ZCWPW2: variants seen among roughly 807,000 people sequenced by gnomAD.
The protein encoded by ZCWPW2 is zinc finger CW-type PWWP domain protein 2.
Under a neutral mutation model 46.6 loss-of-function variants are expected in ZCWPW2, and 45 were observed. The observed-to-expected ratio is 0.96, with a 90% confidence interval of 0.76 to 1.24. The LOEUF is 1.24. Ranked by LOEUF, ZCWPW2 falls within the 50% of genes most tolerant of loss-of-function variation. ZCWPW2 has a pLI of 0.00. For synonymous variants in ZCWPW2, 152 were observed against 137.1 expected (o/e 1.11, Z -0.76); for missense variants, 429 against 403.9 (o/e 1.06, Z -0.53).
rs548108267 is a variant in ZCWPW2, at chr3:28,381,123, C to A, written c.-133-9375C>A. On this transcript the variant is annotated intron_variant, in intron 1 of 9. Coordinates refer to ENST00000383768, the MANE Select transcript of ZCWPW2 (RefSeq NM_001040432.4). ...TATTAATTTAAGTCTTTACTGAATT[C>A]TCTTGAAAGGATGGCAGATGGGGAA... 5.1e-4 allele frequency among the ~76,000 whole-genome samples: 70 copies of A among 138,466 alleles called. No individual in the cohort carries two copies. The East Asian group carries it at 5.7e-3, about 11-fold the overall frequency. 90.8% of individuals were successfully genotyped at this position (138,466 alleles called of 152,430 possible). A position where few individuals can be genotyped will look rare whatever the true frequency, so the allele number is the denominator to read the frequency against.
chr3:28,510,122 TGA>T (rs1328895222), intron 6 of ZCWPW2, among the ~76,000 whole-genome samples: 1 of 152,194 alleles, frequency 6.6e-6, no homozygotes, highest in East Asian at 1.9e-4. Context: ...ACCATATACA[TGA>T]GAGTTTTTTT....
chr3:28,364,539 C>T (rs1247950875), intron 1 of ZCWPW2, among the ~76,000 whole-genome samples: 2 of 152,086 alleles, frequency 1.3e-5, no homozygotes, highest in Non-Finnish European at 2.9e-5. Flanking sequence ...TACTGTTTTT[C>T]ATACTGATTG....
At chr3:28,405,841 C>G (rs569222194) in intron 2 of ZCWPW2, among the ~76,000 whole-genome samples, 1 of 152,222 alleles carries the variant, frequency 6.6e-6, no homozygotes, top group South Asian at 2.1e-4. Flanking sequence ...GAGAATGTCT[C>G]AATCTTCTTA....
intron 2 of ZCWPW2, among the ~76,000 whole-genome samples, chr3:28,401,348 C>T (rs1342818194): frequency 6.6e-6 from 1 of 152,166 alleles, no homozygotes; most frequent in Non-Finnish European, 1.5e-5. Context: ...TAAGAATTCA[C>T]CAGCCAACTA....
rs760348222 is a variant in ZCWPW2, at chr3:28,521,096, G to T, written c.889G>T (p.Glu297Ter). Residue 297 changes from glutamate (E) to a stop codon, truncating the protein, a stop_gained, in exon 9 of 10, where the codon GAA (glutamate) becomes TAA (stop). Transcript: ENST00000383768. LOFTEE classifies it high-confidence loss of function. The part of the protein sequence containing the change: ...PDESEEGHGE[E>*]INMGEKLSKC... Reference sequence around the variant, plus strand: ...TGAATCAGAAGAAGGACATGGAGAGGAAATAAATATGGGAGAAAAGGTAAT... The same window carrying T: ...TGAATCAGAAGAAGGACATGGAGAGTAAATAAATATGGGAGAAAAGGTAAT... 2 of 1,603,492 alleles carry T rather than the reference G, an allele frequency of 1.2e-6. No homozygotes were observed. Among genetic ancestry groups the T allele is most frequent in the Non-Finnish European group, 8.5e-7 (1 of 1,177,168 alleles).
chr3:28,493,612 G>A (rs1374961059), intron 6 of ZCWPW2, among the ~76,000 whole-genome samples: 1 of 94,132 alleles, frequency 1.1e-5, no homozygotes, highest in Admixed American at 1.3e-4. Context: ...ATAAACATAC[G>A]TGTGCATGTG....
intron 6 of ZCWPW2, among the ~76,000 whole-genome samples, chr3:28,507,344 TTTAATC>T (rs374929074): frequency 3.3e-5 from 5 of 152,200 alleles, no homozygotes; most frequent in African/African-American, 9.6e-5. Context: ...GTTGTTATCT[TTTAATC>T]TTATTTCCTC....
chr3:28,398,735 T>C (rs1364189270), intron 2 of ZCWPW2, among the ~76,000 whole-genome samples: 4 of 152,126 alleles, frequency 2.6e-5, no homozygotes, highest in Non-Finnish European at 5.9e-5. Context: ...TGAGTCCATT[T>C]ATAGAGCCGA....
chr3:28,410,569 C>A (rs1276258930), intron 2 of ZCWPW2, among the ~76,000 whole-genome samples: 1 of 150,998 alleles, frequency 6.6e-6, no homozygotes, highest in African/African-American at 2.4e-5. Context: ...CTCTTAAATA[C>A]CCCTACCTTC....
At position 28,408,193 on chromosome 3, in the gene ZCWPW2, C is replaced by A. The variant is rs778767679; in HGVS notation, c.-13-4863C>A. ...CGTTATCCACTATGAGACCCAACAT[C>A]CTAAGAAAATTTGAAAACCTTATCT... On this transcript the variant is annotated intron_variant, in intron 2 of 9. Transcript: ENST00000383768. 2.6e-5 allele frequency among the ~76,000 whole-genome samples: 4 copies of A among 152,254 alleles called. No individual in the cohort carries two copies. The East Asian group carries it at 7.7e-4, about 29-fold the overall frequency.
chr3:28,420,972 A>T (rs1211163762), intron 3 of ZCWPW2, among the ~76,000 whole-genome samples: 1 of 152,124 alleles, frequency 6.6e-6, no homozygotes, highest in Non-Finnish European at 1.5e-5. Flanking sequence ...TCAGTTCTGA[A>T]ATGTTCATTT....
chr3:28,429,877 G>T (rs907362942), intron 3 of ZCWPW2, among the ~76,000 whole-genome samples: 4 of 152,168 alleles, frequency 2.6e-5, no homozygotes, highest in African/African-American at 9.7e-5. Context: ...TAGAAATAAA[G>T]AATTGAAGTT....
Position 28,474,523 on chromosome 3 carries a change from T to C in ZCWPW2, c.493-4291T>C, listed in dbSNP as rs959636281. On this transcript the variant is annotated intron_variant, in intron 4 of 9. Coordinates refer to ENST00000383768, the MANE Select transcript of ZCWPW2 (RefSeq NM_001040432.4). ...TACATATATGCCACATATGTGGATATACATACATCTGTTTTCTCATTCTTT... is the reference window on the plus strand; with the variant it reads ...TACATATATGCCACATATGTGGATACACATACATCTGTTTTCTCATTCTTT... Among the ~76,000 whole-genome samples the C allele has an allele frequency of 8.5e-5, 13 of 152,156 alleles. No individual in the cohort carries two copies. In the Middle Eastern group the frequency reaches 0.01, roughly 119 times the overall value.
chr3:28,378,643 A>G (rs936775043), intron 1 of ZCWPW2, among the ~76,000 whole-genome samples: 1 of 152,134 alleles, frequency 6.6e-6, no homozygotes, highest in African/African-American at 2.4e-5. Flanking sequence ...CCTAGGGATG[A>G]TGTTCAACTG....
chr3:28,479,672 T>C (rs775153902), intron 5 of ZCWPW2, among the ~76,000 whole-genome samples: 6 of 152,166 alleles, frequency 3.9e-5, no homozygotes, highest in Admixed American at 6.6e-5. Flanking sequence ...CTTTTCCTCC[T>C]CCCACCTTCC....
intron 5 of ZCWPW2, among the ~76,000 whole-genome samples, chr3:28,491,715 A>T (rs1003804627): frequency 6.6e-6 from 1 of 152,120 alleles, no homozygotes; most frequent in African/African-American, 2.4e-5. Context: ...GAATTAAATA[A>T]GATATCTATA....
intron 1 of ZCWPW2, among the ~76,000 whole-genome samples, chr3:28,354,424 A>C (rs1704660348): frequency 7.1e-6 from 1 of 141,510 alleles, no homozygotes; most frequent in South Asian, 2.3e-4. Flanking sequence ...TACCAGAGGT[A>C]CAAAGAGGAG....
chr3:28,416,710 G>A (rs1240677860), intron 3 of ZCWPW2, among the ~76,000 whole-genome samples: 21 of 34,758 alleles, frequency 6.0e-4, no homozygotes, highest in African/African-American at 2.3e-3. Context: ...AATTTATTGA[G>A]AGTTTTTAGC....
chr3:28,393,783 C>T (rs376291686), intron 2 of ZCWPW2, among the ~76,000 whole-genome samples: 7 of 151,998 alleles, frequency 4.6e-5, no homozygotes, highest in Non-Finnish European at 8.8e-5. Context: ...AGAAGGAATG[C>T]ACTTCAACAT....
Sources: gnomAD v4.1 joint callset for allele counts (sites outside exome capture counted in the v4.1 genomes callset) on GRCh38, gnomAD v4.1.1 for gene constraint, MANE v1.5 for transcripts, NCBI Gene and HGNC (gene_info 2026-07-23, HGNC 2026-07-21) for gene names.